DCC: variants seen among roughly 807,000 people sequenced by gnomAD.
The protein encoded by DCC is DCC netrin 1 receptor.
DCC carries 58 observed loss-of-function variants against 172.5 expected under a neutral mutation model. The observed-to-expected ratio is 0.34, with a 90% CI of 0.27 to 0.42. DCC has a LOEUF of 0.42. Among genes scored for constraint, DCC ranks in the 10% least tolerant of loss-of-function variants. The pLI is 1.00. For missense variants in DCC, 1,740 were observed against 1,791.0 expected (o/e 0.97, Z 0.51); for synonymous variants, 709 against 644.5 (o/e 1.10, Z -1.52).
chr18:53,477,618 T>C (rs1280761276), intron 25 of DCC, among the ~76,000 whole-genome samples: 2 of 152,248 alleles, frequency 1.3e-5, no homozygotes, highest in African/African-American at 4.8e-5. Flanking sequence ...TGACATTTCT[T>C]ATTATGTGCT....
intron 1 of DCC, among the ~76,000 whole-genome samples, chr18:52,387,619 CT>C (rs1985862197): frequency 7.1e-6 from 1 of 141,722 alleles, no homozygotes; most frequent in East Asian, 2.2e-4. Context: ...TCCTTCCTTC[CT>C]TCCTTCCTTC....
intron 12 of DCC, among the ~76,000 whole-genome samples, chr18:53,282,855 A>G (rs2056889590): frequency 6.6e-6 from 1 of 152,166 alleles, no homozygotes; most frequent in Admixed American, 6.6e-5. Flanking sequence ...TGGGTACCAA[A>G]TTTTAAAGGC....
At chr18:52,895,749 A>T (rs1278644605) in intron 2 of DCC, among the ~76,000 whole-genome samples, 1 of 152,122 alleles carries the variant, frequency 6.6e-6, no homozygotes, top group Non-Finnish European at 1.5e-5. Context: ...TTGTATACTT[A>T]TGTATGGATT....
At chr18:52,576,746 C>T (rs922690386) in intron 1 of DCC, among the ~76,000 whole-genome samples, 1 of 150,614 alleles carries the variant, frequency 6.6e-6, no homozygotes, top group Non-Finnish European at 1.5e-5. Flanking sequence ...AGGAGAATGG[C>T]GTGAACCCGG....
chr18:53,328,323 C>T (rs1359733609), intron 14 of DCC, among the ~76,000 whole-genome samples: 1 of 152,180 alleles, frequency 6.6e-6, no homozygotes, highest in Non-Finnish European at 1.5e-5. Flanking sequence ...GATCCAGCTC[C>T]ATTTACCCTA....
intron 22 of DCC, among the ~76,000 whole-genome samples, chr18:53,443,753 T>A (rs1198734851): frequency 1.3e-5 from 2 of 152,198 alleles, no homozygotes; most frequent in African/African-American, 4.8e-5. Context: ...AGTCAAAATA[T>A]TAACACTAAC....
chr18:52,966,024 T>C (rs544058131), intron 5 of DCC, among the ~76,000 whole-genome samples: 1 of 152,308 alleles, frequency 6.6e-6, no homozygotes, highest in Non-Finnish European at 1.5e-5. Context: ...CATGCTTGTC[T>C]TCCAGAAGTG....
At chr18:53,260,943 G>C (rs2056590019) in intron 12 of DCC, among the ~76,000 whole-genome samples, 2 of 152,140 alleles carry the variant, frequency 1.3e-5, no homozygotes, top group Non-Finnish European at 1.5e-5. Flanking sequence ...CTTGCAGTTT[G>C]ATATCAGACT....
At chr18:53,238,404 T>C (rs1238132237) in intron 12 of DCC, among the ~76,000 whole-genome samples, 2 of 152,188 alleles carry the variant, frequency 1.3e-5, no homozygotes, top group African/African-American at 4.8e-5. Flanking sequence ...CTTTTAGTTA[T>C]GCATATTAAT....
intron 5 of DCC, among the ~76,000 whole-genome samples, chr18:53,003,579 AAG>A (rs1463360765): frequency 4.6e-5 from 7 of 152,118 alleles, no homozygotes; most frequent in Non-Finnish European, 1.0e-4. Flanking sequence ...TTATTTTAGA[AAG>A]AGAAAGAAGA....
intron 7 of DCC, among the ~76,000 whole-genome samples, chr18:53,140,039 T>C (rs996719302): frequency 6.6e-6 from 1 of 152,224 alleles, no homozygotes; most frequent in Admixed American, 6.5e-5. Context: ...CATGAATAAA[T>C]GATCAGATGA....
intron 1 of DCC, among the ~76,000 whole-genome samples, chr18:52,647,153 C>A (rs1475414657): frequency 2.6e-5 from 4 of 152,302 alleles, no homozygotes; most frequent in Non-Finnish European, 5.9e-5. Context: ...ACCTTCTCAT[C>A]TGAACATGCC....
At chr18:53,453,853 A>G (rs1379535767) in intron 23 of DCC, among the ~76,000 whole-genome samples, 3 of 152,130 alleles carry the variant, frequency 2.0e-5, no homozygotes, top group African/African-American at 7.2e-5. Flanking sequence ...GTCCAGAGCC[A>G]GGTAACAATC....
At chr18:52,395,454 A>G (rs1360373559) in intron 1 of DCC, among the ~76,000 whole-genome samples, 2 of 152,000 alleles carry the variant, frequency 1.3e-5, no homozygotes, top group Non-Finnish European at 2.9e-5. Context: ...CACCCTCAAA[A>G]GGATGAAGAG....
chr18:52,742,910 A>G (rs1363571618), intron 1 of DCC, among the ~76,000 whole-genome samples: 1 of 152,258 alleles, frequency 6.6e-6, no homozygotes, highest in Non-Finnish European at 1.5e-5. Flanking sequence ...GCAAATCATT[A>G]TAAATGAAGA....
intron 27 of DCC, among the ~76,000 whole-genome samples, chr18:53,510,430 T>C (rs1284306599): frequency 1.3e-5 from 2 of 152,206 alleles, no homozygotes; most frequent in Admixed American, 6.5e-5. Context: ...AGTCAAGTAG[T>C]TCAATTGTAT....
intron 1 of DCC, among the ~76,000 whole-genome samples, chr18:52,517,020 C>T (rs1292265231): frequency 1.3e-5 from 2 of 152,156 alleles, no homozygotes; most frequent in South Asian, 2.1e-4. Context: ...GATACTGCAG[C>T]ATGCTGAAAA....
chr18:53,526,492 TTACAC>T (rs1598850851), intron 27 of DCC, 120 bp from the exon 28 acceptor site: 2 of 1,026,846 alleles, frequency 1.9e-6, no homozygotes, highest in African/African-American at 3.1e-5. Flanking sequence ...GAATTCATCT[TTACAC>T]TACAGAATGA....
intron 1 of DCC, among the ~76,000 whole-genome samples, chr18:52,462,253 G>T (rs1286195347): frequency 6.6e-6 from 1 of 152,092 alleles, no homozygotes; most frequent in East Asian, 1.9e-4. Flanking sequence ...AACAGACAGG[G>T]TTACCCTGTG....
Sources: gnomAD v4.1 joint callset for allele counts (sites outside exome capture counted in the v4.1 genomes callset) on GRCh38, gnomAD v4.1.1 for gene constraint, MANE v1.5 for transcripts, NCBI Gene and HGNC (gene_info 2026-07-23, HGNC 2026-07-21) for gene names.